The following MSRA variants were observed in gnomAD, a reference collection of about 807,000 sequenced individuals.
The protein encoded by MSRA is methionine sulfoxide reductase A.
Under a neutral mutation model 31.3 loss-of-function variants are expected in MSRA, and 54 were observed. That is an observed-to-expected ratio of 1.73 (90% CI 1.39 to 2.17). The LOEUF (loss-of-function observed/expected upper bound fraction) is 2.17. Among genes scored for constraint, MSRA ranks in the 30% most tolerant of loss-of-function variants. The pLI, the probability that MSRA is intolerant of heterozygous loss-of-function variation, is 0.00. For synonymous variants in MSRA, 169 were observed against 116.5 expected (o/e 1.45, Z -2.90); for missense variants, 507 against 300.9 (o/e 1.69, Z -5.07).
intron 1 of MSRA, among the ~76,000 whole-genome samples, chr8:10,073,322 A>T (rs1797834609): frequency 6.6e-6 from 1 of 152,090 alleles, no homozygotes; most frequent in Non-Finnish European, 1.5e-5. Flanking sequence ...TGTTTTTATC[A>T]GGAAAAGGGT....
chr8:10,271,957 C>T (rs1238200346), intron 3 of MSRA, among the ~76,000 whole-genome samples: 1 of 152,150 alleles, frequency 6.6e-6, no homozygotes, highest in Non-Finnish European at 1.5e-5. Context: ...ACCCGCACAC[C>T]TCGACCTCCC....
intron 5 of MSRA, among the ~76,000 whole-genome samples, chr8:10,324,467 A>C (rs935576947): frequency 3.3e-5 from 5 of 152,168 alleles, no homozygotes; most frequent in Non-Finnish European, 2.9e-5. Flanking sequence ...GTTCCTGCCC[A>C]TCAGAGTGCT....
intron 3 of MSRA, among the ~76,000 whole-genome samples, chr8:10,287,182 A>G (rs946501862): frequency 1.3e-5 from 2 of 152,180 alleles, no homozygotes; most frequent in African/African-American, 4.8e-5. Context: ...CTGCATCTAT[A>G]CGAAGTCATT....
At chr8:10,133,166 C>T (rs769059413) in intron 1 of MSRA, among the ~76,000 whole-genome samples, 6 of 152,134 alleles carry the variant, frequency 3.9e-5, no homozygotes, top group African/African-American at 7.2e-5. Context: ...TGTTTTCCCA[C>T]GGACTGTGGG....
At chr8:10,409,250 A>G (rs896092628) in intron 5 of MSRA, among the ~76,000 whole-genome samples, 16 of 152,108 alleles carry the variant, frequency 1.1e-4, no homozygotes, top group African/African-American at 3.9e-4. Flanking sequence ...TGACTTTTTA[A>G]TAGTAGCCAT....
intron 1 of MSRA, among the ~76,000 whole-genome samples, chr8:10,125,594 C>G (rs561576160): frequency 3.3e-5 from 5 of 152,166 alleles, no homozygotes; most frequent in African/African-American, 4.8e-5. Flanking sequence ...GGCTAAGGAG[C>G]TTGAACCTGA....
intron 4 of MSRA, among the ~76,000 whole-genome samples, chr8:10,309,720 G>C (rs1026616460): frequency 2.0e-5 from 3 of 152,164 alleles, no homozygotes; most frequent in African/African-American, 7.2e-5. Flanking sequence ...GGGCTCCTCA[G>C]CCTGTGCTTG....
intron 3 of MSRA, among the ~76,000 whole-genome samples, chr8:10,259,879 C>G (rs568101592): frequency 6.6e-6 from 1 of 152,204 alleles, no homozygotes; most frequent in Non-Finnish European, 1.5e-5. Context: ...GTTCCTGACT[C>G]GGGCTCTGCC....
rs71203319 is a variant in MSRA at position 10,363,738 on chromosome 8, C to CCACACA, written c.543+43785_543+43790dup. Reference sequence around the variant, plus strand: ...TGGGCAACCAAGCAAGATGCAGTCACCACACACACACACACACACACACAC... The same window carrying CCACACA: ...TGGGCAACCAAGCAAGATGCAGTCACCACACACACACACACACACACACACACACAC... On this transcript the variant is annotated intron_variant, in intron 5 of 5. Transcript: ENST00000317173. 9.1e-3 allele frequency among the ~76,000 whole-genome samples: 939 copies of CCACACA among 103,344 alleles called. 19 individuals carry two copies. The highest frequency in any genetic ancestry group is 0.019 in the African/African-American group (573 of 29,938). 67.8% of individuals were successfully genotyped at this position (103,344 alleles called of 152,430 possible).
intron 5 of MSRA, among the ~76,000 whole-genome samples, chr8:10,324,418 C>A (rs113515843): frequency 6.6e-6 from 1 of 152,110 alleles, no homozygotes; most frequent in Non-Finnish European, 1.5e-5. Flanking sequence ...ATCCCAAGAG[C>A]GGGACGGCCA....
intron 1 of MSRA, among the ~76,000 whole-genome samples, chr8:10,132,929 G>A (rs1802001570): frequency 6.6e-6 from 1 of 152,222 alleles, no homozygotes; most frequent in East Asian, 1.9e-4. Flanking sequence ...ACTTGGGCTA[G>A]CAGGCCAGAA....
intron 5 of MSRA, among the ~76,000 whole-genome samples, chr8:10,320,756 G>A (rs539541181): frequency 5.3e-5 from 8 of 152,314 alleles, no homozygotes; most frequent in Non-Finnish European, 7.3e-5. Flanking sequence ...TGCTGTGAGG[G>A]AAGGGAAGGA....
At chr8:10,085,901 A>G (rs550869548) in intron 1 of MSRA, among the ~76,000 whole-genome samples, 2 of 152,286 alleles carry the variant, frequency 1.3e-5, no homozygotes, top group African/African-American at 2.4e-5. Context: ...TGGTTCTTCC[A>G]TGTTGTTGCA....
At chr8:10,392,511 C>G (rs1043795171) in intron 5 of MSRA, among the ~76,000 whole-genome samples, 1 of 152,154 alleles carries the variant, frequency 6.6e-6, no homozygotes, top group African/African-American at 2.4e-5. Flanking sequence ...GCTCTTTCTC[C>G]CCTTCCTCTG....
intron 5 of MSRA, among the ~76,000 whole-genome samples, chr8:10,419,636 C>T (rs1196108735): frequency 3.9e-5 from 6 of 152,178 alleles, no homozygotes; most frequent in South Asian, 2.1e-4. Context: ...GTGCTTAAAA[C>T]GCAAATGCTG....
intron 4 of MSRA, among the ~76,000 whole-genome samples, chr8:10,309,957 A>C (rs1335099031): frequency 6.6e-6 from 1 of 152,208 alleles, no homozygotes; most frequent in East Asian, 1.9e-4. Context: ...GTCTACTGGG[A>C]AACATTCATT....
At chr8:10,348,699 A>C (rs1006889252) in intron 5 of MSRA, among the ~76,000 whole-genome samples, 19 of 152,052 alleles carry the variant, frequency 1.2e-4, no homozygotes, top group Admixed American at 1.2e-3. Context: ...TTCAGTTCAT[A>C]CTACCAAGGC....
chr8:10,105,632 T>A (rs1485523447), intron 1 of MSRA, among the ~76,000 whole-genome samples: 1 of 152,190 alleles, frequency 6.6e-6, no homozygotes, highest in Non-Finnish European at 1.5e-5. Flanking sequence ...TTGATCTGAT[T>A]ATAGTGCTTT....
chr8:10,218,567 T>A (rs1359466630), intron 2 of MSRA, among the ~76,000 whole-genome samples: 1 of 152,350 alleles, frequency 6.6e-6, no homozygotes, highest in East Asian at 1.9e-4. Flanking sequence ...AGCTGAAATA[T>A]TTCTATAAAT....
Sources: allele counts gnomAD v4.1 joint callset (sites outside exome capture counted in the v4.1 genomes callset), GRCh38; gene constraint gnomAD v4.1.1; transcripts MANE v1.5; gene names NCBI Gene and HGNC (gene_info 2026-07-23, HGNC 2026-07-21).